HERC5: variants seen among roughly 807,000 people sequenced by gnomAD.
HERC5 encodes HECT and RLD domain containing E3 ubiquitin protein ligase 5, also known as E3 ISG15--protein ligase HERC5.
In HERC5, 99 loss-of-function variants were observed where a neutral mutation model predicts 119.6. The observed-to-expected ratio is 0.83, with a 90% confidence interval of 0.70 to 0.98. The LOEUF is 0.98. Among genes scored for constraint, HERC5 ranks in the 50% least tolerant of loss-of-function variants. The probability of loss-of-function intolerance (pLI) is 0.00; values close to 1 mark genes in which losing one functional copy is unlikely to be tolerated. For synonymous variants in HERC5, 478 were observed against 445.9 expected (o/e 1.07, Z -0.91); for missense variants, 1,267 against 1,241.3 (o/e 1.02, Z -0.31).
chr4:88,505,910 TG>T lies in HERC5; in HGVS notation c.*33del. 1 of 1,526,116 alleles carries T rather than the reference TG, an allele frequency of 6.6e-7. No homozygotes were observed. The highest frequency in any genetic ancestry group is 9.0e-7 in the Non-Finnish European group (1 of 1,114,690). 94.5% of individuals were successfully genotyped at this position (1,526,116 alleles called of 1,614,324 possible). On this transcript the variant is annotated 3_prime_UTR_variant, in exon 23 of 23. Coordinates refer to ENST00000264350, the MANE Select transcript of HERC5 (RefSeq NM_016323.4). Reference sequence around the variant, plus strand: ...TGCTTGTCCAACAGCCTTATTTTGTTGTTGTTATCGTTGTTGTTGTTGTTGT... The same window carrying T: ...TGCTTGTCCAACAGCCTTATTTTGTTTTGTTATCGTTGTTGTTGTTGTTGT...
intron 13 of HERC5, among the ~76,000 whole-genome samples, chr4:88,484,140 G>A (rs1202870076): frequency 6.6e-6 from 1 of 152,042 alleles, no homozygotes; most frequent in Non-Finnish European, 1.5e-5. Context: ...AAGTAGTAAT[G>A]TTTTTCATTT....
At chr4:88,471,989 T>C (rs1412650753) in intron 10 of HERC5, among the ~76,000 whole-genome samples, 1 of 150,182 alleles carries the variant, frequency 6.7e-6, no homozygotes, top group African/African-American at 2.5e-5. Context: ...TTCTTTCTTT[T>C]CTTTTTTTCT....
intron 9 of HERC5, 80 bp from the exon 10 acceptor site, chr4:88,470,534 T>TG (rs1285233873): frequency 2.7e-6 from 2 of 729,618 alleles, no homozygotes; most frequent in East Asian, 5.5e-5. Flanking sequence ...GTATTTATCA[T>TG]GTCTCATGCT....
chr4:88,479,568 A>C, intron 13 of HERC5, 61 bp downstream of exon 13: 1 of 1,397,816 alleles, frequency 7.2e-7, no homozygotes. Flanking sequence ...CCTTCCTTTC[A>C]GCTGGCTTGA....
Position 88,463,539 on chromosome 4 carries a change from T to A in HERC5, c.696T>A (p.Asp232Glu), listed in dbSNP as rs201120262. 6 of 1,612,418 alleles carry A rather than the reference T, an allele frequency of 3.7e-6. No individual in the cohort carries two copies. The East Asian group carries it at 6.7e-5, about 18-fold the overall frequency. The change falls in exon 5 of 23, where the codon GAT becomes GAA. Residue 232 changes from aspartate (D) to glutamate (E), a missense_variant. This residue lies in a region of HERC5 where 777 missense variants were observed against 758.0 expected (regional missense o/e 1.03). Transcript: ENST00000264350. Reference protein sequence around the residue: ...QLGLGHTESKDDPSLIEGLDN... With the variant: ...QLGLGHTESKEDPSLIEGLDN... ...ATTTTTTTCCTTACATAGGTAAAGA[T>A]GATCCATCCCTTATTGAAGGACTAG...
intron 13 of HERC5, among the ~76,000 whole-genome samples, chr4:88,484,484 C>T (rs1741392113): frequency 6.6e-6 from 1 of 152,188 alleles, no homozygotes; most frequent in African/African-American, 2.4e-5. Flanking sequence ...TGGCTTGAAG[C>T]TTTTTAGAAT....
At position 88,504,608 on chromosome 4, in the gene HERC5, T is replaced by C. The variant is rs368237480; in HGVS notation, c.2869+11T>C. On this transcript the variant is annotated intron_variant, in intron 22 of 22. Coordinates refer to ENST00000264350, the MANE Select transcript of HERC5 (RefSeq NM_016323.4). ...AGAAAAAATTCCTTGGTAAGTATTA[T>C]ATCAAGGAATAGATCTGTAATCGTA... is the stretch of plus-strand genomic sequence containing the variant. 2 of 1,459,114 alleles carry C rather than the reference T, an allele frequency of 1.4e-6. No homozygotes were observed. The highest frequency in any genetic ancestry group is 2.3e-5 in the Admixed American group (1 of 43,596). 90.4% of individuals were successfully genotyped at this position (1,459,114 alleles called of 1,614,324 possible). A position where few individuals can be genotyped will look rare whatever the true frequency, so the allele number is the denominator to read the frequency against.
rs1344783850 is a variant in HERC5 at position 88,460,183 on chromosome 4, G to A, written c.466+12G>A. ...TGCACTCTCAAAAGGTAATTTTTCT[G>A]TAATATTAATAGTTTTGTAGAAGTA... On this transcript the variant is annotated intron_variant, in intron 3 of 22. Coordinates refer to ENST00000264350, the MANE Select transcript of HERC5 (RefSeq NM_016323.4). 4 of 1,391,812 alleles carry A rather than the reference G, an allele frequency of 2.9e-6. No homozygotes were observed. Among genetic ancestry groups the A allele is most frequent in the Non-Finnish European group, 4.1e-6 (4 of 983,914 alleles). 86.2% of individuals were successfully genotyped at this position (1,391,812 alleles called of 1,614,324 possible). A position where few individuals can be genotyped will look rare whatever the true frequency, so the allele number is the denominator to read the frequency against.
At chr4:88,479,296 A>AC in intron 12 of HERC5, 57 bp from the exon 13 acceptor site, 1 of 1,447,934 alleles carries the variant, frequency 6.9e-7, no homozygotes, top group East Asian at 2.4e-5. Flanking sequence ...AAAAAAAAAA[A>AC]AAAAAAGCAC....
chr4:88,461,339 G>A (rs1470832698), intron 3 of HERC5, among the ~76,000 whole-genome samples: 3 of 152,148 alleles, frequency 2.0e-5, no homozygotes, highest in African/African-American at 7.2e-5. Context: ...GTATGTACAA[G>A]GGTAAAGGGA....
chr4:88,495,159 T>C (rs1276964768), intron 18 of HERC5, among the ~76,000 whole-genome samples: 1 of 152,234 alleles, frequency 6.6e-6, no homozygotes, highest in Admixed American at 6.5e-5. Flanking sequence ...TTATAGTTTA[T>C]AATATAAAGA....
chr4:88,497,539 AT>A (rs1741834064), intron 18 of HERC5, among the ~76,000 whole-genome samples: 1 of 152,228 alleles, frequency 6.6e-6, no homozygotes, highest in African/African-American at 2.4e-5. Flanking sequence ...ATGAAATAGG[AT>A]ATTTGGCAGA....
At chr4:88,492,696 A>T (rs1251181984) in intron 16 of HERC5, among the ~76,000 whole-genome samples, 1 of 152,106 alleles carries the variant, frequency 6.6e-6, no homozygotes, top group Non-Finnish European at 1.5e-5. Context: ...CAGTGAGCCG[A>T]GATCAGACCA....
intron 8 of HERC5, 119 bp downstream of exon 8, chr4:88,468,541 T>C (rs2149091090): frequency 1.6e-6 from 1 of 618,742 alleles, no homozygotes; most frequent in East Asian, 2.9e-5. Context: ...TTTTGGGGGA[T>C]AGCTGGACAT....
intron 18 of HERC5, among the ~76,000 whole-genome samples, chr4:88,494,974 T>G (rs1246102217): frequency 6.6e-6 from 1 of 152,230 alleles, no homozygotes; most frequent in Non-Finnish European, 1.5e-5. Context: ...CATTTTAATT[T>G]CAGGTATTAT....
chr4:88,463,512 CTATTTT>C lies in HERC5; in HGVS notation c.689-18_689-13del. 1 of 1,554,372 alleles carries C rather than the reference CTATTTT, an allele frequency of 6.4e-7. No homozygotes were observed. The highest frequency in any genetic ancestry group is 8.9e-7 in the Non-Finnish European group (1 of 1,127,086). On this transcript the variant is annotated splice_polypyrimidine_tract_variant and intron_variant, in intron 4 of 22. Coordinates refer to ENST00000264350, the MANE Select transcript of HERC5 (RefSeq NM_016323.4). ...CAGCATTTCCTTTTGGTCACTTCAG[CTATTTT>C]TTTCCTTACATAGGTAAAGATGATC...
chr4:88,467,864 G>T (rs1740728425), intron 7 of HERC5: 1 of 984,110 alleles, frequency 1.0e-6, no homozygotes, highest in Non-Finnish European at 1.2e-6. Flanking sequence ...TGAAAGCTTA[G>T]TGGTGACCTC....
At chr4:88,486,397 G>A (rs1366332702) in intron 14 of HERC5, among the ~76,000 whole-genome samples, 169 bp downstream of exon 14, 2 of 152,146 alleles carry the variant, frequency 1.3e-5, no homozygotes, top group Non-Finnish European at 2.9e-5. Context: ...AAAGTGATTG[G>A]CACCTTGGGA....
At chr4:88,494,381 G>A (rs758880759) in intron 18 of HERC5, 50 bp downstream of exon 18, 2 of 1,484,022 alleles carry the variant, frequency 1.3e-6, no homozygotes, top group South Asian at 1.2e-5. Flanking sequence ...ATATATTTAG[G>A]CAAATATTTA....
Sources: allele counts gnomAD v4.1 joint callset (sites outside exome capture counted in the v4.1 genomes callset), GRCh38; gene constraint gnomAD v4.1.1; regional missense constraint gnomAD v4.1.1; transcripts MANE v1.5; gene names NCBI Gene and HGNC (gene_info 2026-07-23, HGNC 2026-07-21).